The following CADPS2 variants were observed in gnomAD, a reference collection of about 807,000 sequenced individuals.
CADPS2 encodes calcium dependent secretion activator 2, also known as calcium-dependent secretion activator 2.
In CADPS2, 93 loss-of-function variants were observed where a neutral mutation model predicts 172.5. The ratio of observed to expected loss-of-function variants is 0.54; its 90% CI spans 0.46 to 0.64. The LOEUF (loss-of-function observed/expected upper bound fraction) is 0.64. Ranked by LOEUF, CADPS2 falls within the 30% of genes least tolerant of loss-of-function variation. The pLI is 0.00. For synonymous variants in CADPS2, 546 were observed against 555.2 expected (o/e 0.98, Z 0.23); for missense variants, 1,420 against 1,565.9 (o/e 0.91, Z 1.57).
intron 6 of CADPS2, among the ~76,000 whole-genome samples, chr7:122,583,519 C>G (rs1587571317): frequency 6.6e-6 from 1 of 151,354 alleles, no homozygotes; most frequent in East Asian, 1.9e-4. Flanking sequence ...TTTCAGTAGT[C>G]TTTTATAGGT....
Position 122,320,121 on chromosome 7 carries a change from A to AATGTC in CADPS2, c.*39_*43dup, listed in dbSNP as rs1488446658. ...GGACAAGGTTAAAAAAATAAAAAAC[A>AATGTC]ATGTCGATCAAGGTCTTCCTTCCTT... On this transcript the variant is annotated 3_prime_UTR_variant, in exon 30 of 30. Transcript: ENST00000449022. 6.8e-7 allele frequency: 1 copy of AATGTC among 1,463,786 alleles called. No individual in the cohort carries two copies. Among genetic ancestry groups the AATGTC allele is most frequent in the Non-Finnish European group, 9.1e-7 (1 of 1,100,640 alleles). The allele number at this position is 1,463,786 out of a possible 1,614,324, so 90.7% of individuals were successfully genotyped here.
chr7:122,551,404 C>T (rs1203785649), intron 8 of CADPS2, among the ~76,000 whole-genome samples: 2 of 151,750 alleles, frequency 1.3e-5, no homozygotes, highest in Non-Finnish European at 1.5e-5. Context: ...TCAAATAGGT[C>T]TAAGAAACTT....
Position 122,504,091 on chromosome 7 carries a change from CAATT to C in CADPS2, c.1542+9154_1542+9157del, listed in dbSNP as rs148547441. On this transcript the variant is annotated intron_variant, in intron 9 of 29. Transcript: ENST00000449022. Reference sequence around the variant, plus strand: ...AAATTCCACTTTCATTTTCTCCCCTCAATTACTTACTTATCCTTATTCTTTCATA... The same window carrying C: ...AAATTCCACTTTCATTTTCTCCCCTCACTTACTTATCCTTATTCTTTCATA... Among the ~76,000 whole-genome samples the C allele has an allele frequency of 8.1e-3, 1,227 of 152,290 alleles. 13 individuals carry two copies. The highest frequency in any genetic ancestry group is 0.028 in the African/African-American group (1,169 of 41,564).
chr7:122,610,691 T>C (rs2074186685), intron 6 of CADPS2, among the ~76,000 whole-genome samples: 1 of 152,122 alleles, frequency 6.6e-6, no homozygotes, highest in South Asian at 2.1e-4. Context: ...TTTTATTTTA[T>C]ACCTAAATAA....
chr7:122,598,526 C>A (rs2072251882), intron 6 of CADPS2, among the ~76,000 whole-genome samples: 1 of 152,046 alleles, frequency 6.6e-6, no homozygotes. Context: ...CGTACAATGT[C>A]ACTTAGCAGA....
chr7:122,486,242 T>G (rs895816836), intron 11 of CADPS2, among the ~76,000 whole-genome samples: 9 of 152,048 alleles, frequency 5.9e-5, no homozygotes, highest in African/African-American at 2.2e-4. Context: ...TAGTAATTCC[T>G]ATGAGACATC....
intron 20 of CADPS2, among the ~76,000 whole-genome samples, chr7:122,396,650 G>A (rs1369435956): frequency 6.6e-6 from 1 of 152,042 alleles, no homozygotes; most frequent in Non-Finnish European, 1.5e-5. Flanking sequence ...TGACTTTCAC[G>A]ATTCAATATA....
At chr7:122,504,981 A>G (rs1161384460) in intron 9 of CADPS2, among the ~76,000 whole-genome samples, 1 of 152,152 alleles carries the variant, frequency 6.6e-6, no homozygotes, top group Non-Finnish European at 1.5e-5. Context: ...GTGCTAATAC[A>G]CCTAAATGTA....
At chr7:122,474,834 G>C (rs1002666216) in intron 12 of CADPS2, among the ~76,000 whole-genome samples, 1 of 152,082 alleles carries the variant, frequency 6.6e-6, no homozygotes, top group African/African-American at 2.4e-5. Context: ...TCCATTTACT[G>C]ATGGAATTGA....
At chr7:122,654,445 T>C (rs1019590223) in intron 3 of CADPS2, among the ~76,000 whole-genome samples, 19 of 152,192 alleles carry the variant, frequency 1.2e-4, no homozygotes, top group African/African-American at 4.3e-4. Context: ...CTGGTGAGTT[T>C]AGGTTGAAGC....
intron 1 of CADPS2, among the ~76,000 whole-genome samples, chr7:122,835,226 G>T (rs1392368085): frequency 2.0e-5 from 3 of 152,308 alleles, no homozygotes; most frequent in Admixed American, 6.5e-5. Context: ...TGAAGGTCCT[G>T]ACTGTTAGAA....
At chr7:122,505,401 T>A (rs2059538035) in intron 9 of CADPS2, among the ~76,000 whole-genome samples, 1 of 152,200 alleles carries the variant, frequency 6.6e-6, no homozygotes, top group Admixed American at 6.5e-5. Flanking sequence ...AGTACCAATT[T>A]AACAAGTCTG....
intron 2 of CADPS2, among the ~76,000 whole-genome samples, chr7:122,731,328 T>C (rs1299750433): frequency 1.3e-5 from 2 of 151,726 alleles, no homozygotes; most frequent in Non-Finnish European, 3.0e-5. Flanking sequence ...AAGCAGCTAG[T>C]AAGCAACTGT....
At chr7:122,694,776 A>C (rs2084855520) in intron 2 of CADPS2, among the ~76,000 whole-genome samples, 1 of 152,244 alleles carries the variant, frequency 6.6e-6, no homozygotes. Flanking sequence ...TACAGTAAGT[A>C]CAAAGCCAAA....
At chr7:122,328,507 AG>A (rs1216336966) in intron 28 of CADPS2, 1 of 152,196 alleles carries the variant, frequency 6.6e-6, no homozygotes, top group Non-Finnish European at 1.5e-5. Flanking sequence ...CTTGCACAGA[AG>A]GTATGGGAAT....
chr7:122,759,388 T>C (rs62483604), intron 1 of CADPS2, among the ~76,000 whole-genome samples: 90 of 152,306 alleles, frequency 5.9e-4, no homozygotes, highest in Non-Finnish European at 1.2e-3. Flanking sequence ...ATGCAAAGGT[T>C]AGGAAAGAAA....
At chr7:122,445,763 A>G (rs2052094949) in intron 15 of CADPS2, among the ~76,000 whole-genome samples, 1 of 152,182 alleles carries the variant, frequency 6.6e-6, no homozygotes, top group Non-Finnish European at 1.5e-5. Context: ...TGCAGTGAGC[A>G]GTGATCACAC....
At chr7:122,806,430 C>T (rs1798814758) in intron 1 of CADPS2, among the ~76,000 whole-genome samples, 2 of 152,036 alleles carry the variant, frequency 1.3e-5, no homozygotes, top group Admixed American at 1.3e-4. Context: ...AATTTATTGC[C>T]CAATTAATTA....
At chr7:122,842,469 C>T (rs930415786) in intron 1 of CADPS2, among the ~76,000 whole-genome samples, 1 of 152,106 alleles carries the variant, frequency 6.6e-6, no homozygotes, top group Non-Finnish European at 1.5e-5. Flanking sequence ...TAATCTGATG[C>T]CTTCTCCTAT....
Sources: allele counts gnomAD v4.1 joint callset (sites outside exome capture counted in the v4.1 genomes callset), GRCh38; gene constraint gnomAD v4.1.1; transcripts MANE v1.5; gene names NCBI Gene and HGNC (gene_info 2026-07-23, HGNC 2026-07-21).